The following DPP10 variants were observed in gnomAD, a reference collection of about 807,000 sequenced individuals.
DPP10 encodes inactive dipeptidyl peptidase 10.
In DPP10, 33 loss-of-function variants were observed where a neutral mutation model predicts 120.9. That is an observed-to-expected ratio of 0.27 (90% CI 0.21 to 0.37). The LOEUF is 0.37. Among genes scored for constraint, DPP10 ranks in the 10% least tolerant of loss-of-function variants. The pLI, the probability that DPP10 is intolerant of heterozygous loss-of-function variation, is 1.00. For synonymous variants in DPP10, 337 were observed against 326.1 expected, an observed-to-expected ratio of 1.03 and a Z score of -0.36; for missense variants, 816 against 942.8, an observed-to-expected ratio of 0.87 and a Z score of 1.76.
intron 2 of DPP10, among the ~76,000 whole-genome samples, chr2:115,318,693 C>A (rs2106086993): frequency 6.6e-6 from 1 of 152,032 alleles, no homozygotes; most frequent in Middle Eastern, 3.4e-3. Flanking sequence ...GTAAATAGAA[C>A]CTTAATATTC....
At chr2:115,590,145 G>T (rs2082546067) in intron 5 of DPP10, among the ~76,000 whole-genome samples, 1 of 96,112 alleles carries the variant, frequency 1.0e-5, no homozygotes. Context: ...TATGGTATTT[G>T]TTTTCTTTAT....
Position 115,842,563 on chromosome 2 carries a change from C to G in DPP10, c.*218C>G. On this transcript the variant is annotated 3_prime_UTR_variant, in exon 26 of 26. Transcript: ENST00000410059. Reference sequence around the variant, plus strand: ...ACCCGTTTCTTTGTATGAGAGAGGTCAAAGGGTTGGTTTCCTGGGAGAAAT... The same window carrying G: ...ACCCGTTTCTTTGTATGAGAGAGGTGAAAGGGTTGGTTTCCTGGGAGAAAT... 2.4e-6 allele frequency: 1 copy of G among 414,612 alleles called. No individual in the cohort carries two copies. The highest frequency in any genetic ancestry group is 3.8e-5 in the East Asian group (1 of 26,062). The allele number at this position is 414,612 out of a possible 1,614,324, so 25.7% of individuals were successfully genotyped here.
intron 15 of DPP10, among the ~76,000 whole-genome samples, chr2:115,779,783 A>G (rs12613112): frequency 0.26 from 40,232 of 151,868 alleles, 5,637 homozygotes; most frequent in Middle Eastern, 0.43. Flanking sequence ...CAAATTTTAT[A>G]AAATGAAAAA....
chr2:115,825,680 C>G (rs1168072418), intron 21 of DPP10, among the ~76,000 whole-genome samples: 2 of 152,138 alleles, frequency 1.3e-5, no homozygotes, highest in South Asian at 2.1e-4. Context: ...ATCAATGAAG[C>G]CAAGGTGATT....
chr2:115,612,648 T>C (rs1295557254), intron 5 of DPP10, among the ~76,000 whole-genome samples: 1 of 152,172 alleles, frequency 6.6e-6, no homozygotes, highest in Non-Finnish European at 1.5e-5. Context: ...GGAATCTCAT[T>C]TCTGCACTTC....
At chr2:114,796,405 T>C (rs892604608) in intron 1 of DPP10, among the ~76,000 whole-genome samples, 1 of 152,134 alleles carries the variant, frequency 6.6e-6, no homozygotes, top group South Asian at 2.1e-4. Context: ...TGTAAGTCTA[T>C]TTTTTCTTCC....
intron 5 of DPP10, among the ~76,000 whole-genome samples, chr2:115,547,309 C>T (rs1371497449): frequency 6.6e-6 from 1 of 152,130 alleles, no homozygotes; most frequent in African/African-American, 2.4e-5. Flanking sequence ...AGCACTAAAA[C>T]CTTTTTTTAT....
chr2:115,300,102 T>C (rs2061058114), intron 1 of DPP10, among the ~76,000 whole-genome samples: 1 of 152,070 alleles, frequency 6.6e-6, no homozygotes, highest in Non-Finnish European at 1.5e-5. Context: ...GTTTTTATTA[T>C]AGTACTGTTC....
At chr2:114,858,156 A>G (rs1376850549) in intron 1 of DPP10, among the ~76,000 whole-genome samples, 1 of 151,922 alleles carries the variant, frequency 6.6e-6, no homozygotes, top group Non-Finnish European at 1.5e-5. Context: ...CACTCGGCTA[A>G]TTTTTTGTAT....
At chr2:115,674,709 T>G (rs968608062) in intron 5 of DPP10, among the ~76,000 whole-genome samples, 2 of 152,192 alleles carry the variant, frequency 1.3e-5, no homozygotes, top group Non-Finnish European at 2.9e-5. Flanking sequence ...ATGAAGTGAT[T>G]GAAATTGAAA....
intron 3 of DPP10, among the ~76,000 whole-genome samples, chr2:115,432,656 A>ATT (rs778067459): frequency 1.0e-4 from 7 of 66,704 alleles, no homozygotes; most frequent in Non-Finnish European, 1.8e-4. Context: ...GCCATAGGCA[A>ATT]TTTTGTGTGT....
At chr2:115,711,415 A>G (rs530466134) in intron 7 of DPP10, among the ~76,000 whole-genome samples, 1 of 152,208 alleles carries the variant, frequency 6.6e-6, no homozygotes, top group Admixed American at 6.6e-5. Context: ...ATTTGCAGAG[A>G]TTATAAATTG....
At chr2:114,464,222 C>T (rs1426156352) in intron 1 of DPP10, among the ~76,000 whole-genome samples, 3 of 152,174 alleles carry the variant, frequency 2.0e-5, no homozygotes, top group Non-Finnish European at 4.4e-5. Flanking sequence ...ATTTTGCATT[C>T]TGACCAGCAG....
chr2:115,126,830 C>T (rs1472510431), intron 1 of DPP10, among the ~76,000 whole-genome samples: 1 of 152,186 alleles, frequency 6.6e-6, no homozygotes, highest in Non-Finnish European at 1.5e-5. Context: ...CACAGAGCTG[C>T]ATCAATATTG....
intron 1 of DPP10, among the ~76,000 whole-genome samples, chr2:114,540,918 C>T (rs929588105): frequency 1.3e-5 from 2 of 152,176 alleles, no homozygotes; most frequent in Non-Finnish European, 2.9e-5. Flanking sequence ...GAAATATACT[C>T]GTAAAACTTA....
intron 1 of DPP10, among the ~76,000 whole-genome samples, chr2:114,816,069 G>A (rs1574256119): frequency 6.6e-6 from 1 of 152,194 alleles, no homozygotes; most frequent in Admixed American, 6.5e-5. Context: ...TTCACTCCCC[G>A]TGTAGAATAA....
At chr2:114,456,700 T>C (rs1360180021) in intron 1 of DPP10, among the ~76,000 whole-genome samples, 1 of 152,028 alleles carries the variant, frequency 6.6e-6, no homozygotes. Flanking sequence ...CTTAAGAGAG[T>C]GGTTGTGATT....
intron 19 of DPP10, among the ~76,000 whole-genome samples, chr2:115,810,441 T>C (rs959430568): frequency 1.3e-5 from 2 of 152,178 alleles, no homozygotes; most frequent in Non-Finnish European, 2.9e-5. Context: ...TAAATGATGT[T>C]TTTTATGTCA....
At chr2:115,592,430 A>G (rs1262167769) in intron 5 of DPP10, among the ~76,000 whole-genome samples, 1 of 152,066 alleles carries the variant, frequency 6.6e-6, no homozygotes, top group Non-Finnish European at 1.5e-5. Context: ...TAGGAAAGGC[A>G]TACAAAAGGC....
Sources: gnomAD v4.1 joint callset for allele counts (sites outside exome capture counted in the v4.1 genomes callset) on GRCh38, gnomAD v4.1.1 for gene constraint, MANE v1.5 for transcripts, NCBI Gene and HGNC (gene_info 2026-07-23, HGNC 2026-07-21) for gene names.